Variants in ZBTB7C observed in about 807,000 individuals in gnomAD.
ZBTB7C encodes zinc finger and BTB domain containing 7C, also known as zinc finger and BTB domain-containing protein 7C.
In ZBTB7C, 8 loss-of-function variants were observed where a neutral mutation model predicts 25.7. The ratio of observed to expected loss-of-function variants is 0.31; its 90% confidence interval spans 0.18 to 0.56. The LOEUF (loss-of-function observed/expected upper bound fraction) is 0.56. Among genes scored for constraint, ZBTB7C ranks in the 20% least tolerant of loss-of-function variants. The probability of loss-of-function intolerance (pLI) is 0.91; values close to 1 mark genes in which losing one functional copy is unlikely to be tolerated. For missense variants in ZBTB7C, 824 were observed against 855.2 expected, an observed-to-expected ratio of 0.96 and a Z score of 0.46; for synonymous variants, 394 against 369.0, an observed-to-expected ratio of 1.07 and a Z score of -0.78.
upstream of ZBTB7C, chr18:48,409,395 G>T (rs910074090): frequency 6.8e-5 from 10 of 147,012 alleles, no homozygotes; most frequent in African/African-American, 2.5e-4. Context: ...GAGCTGAGCG[G>T]CGGCAGCGGG....
chr18:48,395,275 G>A (rs1022714644), intron 1 of ZBTB7C, among the ~76,000 whole-genome samples: 127 of 35,612 alleles, frequency 3.6e-3, no homozygotes, highest in African/African-American at 0.021. Context: ...ATGTGTGTGT[G>A]TGTGTGTGTG....
chr18:48,219,867 G>A (rs1197128598), intron 2 of ZBTB7C, among the ~76,000 whole-genome samples: 1 of 152,096 alleles, frequency 6.6e-6, no homozygotes, highest in East Asian at 1.9e-4. Context: ...AGGGATGGAG[G>A]CTGAGAGACA....
rs376966831 is a variant in ZBTB7C, at chr18:48,371,247, T to A, written c.-303-32849A>T. 6.6e-5 allele frequency among the ~76,000 whole-genome samples: 10 copies of A among 152,246 alleles called. No individual in the cohort carries two copies. The South Asian group carries it at 2.1e-3, about 32-fold the overall frequency. On this transcript the variant is annotated intron_variant, in intron 1 of 4. Transcript: ENST00000590800. ...AAGCTGCAGGCCACCTTCTAGAAAC[T>A]CCTCATAAGCCTCCTGGTGTTTCTG...
intron 1 of ZBTB7C, among the ~76,000 whole-genome samples, chr18:48,370,561 T>A (rs533804214): frequency 1.3e-5 from 2 of 152,272 alleles, no homozygotes; most frequent in Non-Finnish European, 2.9e-5. Flanking sequence ...ATATTGCCAT[T>A]GGGGGAAACT....
At chr18:48,150,073 G>C (rs1272750873) in intron 3 of ZBTB7C, 1 of 151,884 alleles carries the variant, frequency 6.6e-6, no homozygotes, top group African/African-American at 2.4e-5. Context: ...CAAAGTGCTG[G>C]GATTACAGGC....
intron 3 of ZBTB7C, among the ~76,000 whole-genome samples, chr18:48,180,972 C>G (rs2041903777): frequency 6.6e-6 from 1 of 151,984 alleles, no homozygotes; most frequent in Non-Finnish European, 1.5e-5. Context: ...GGCTGTGTGA[C>G]CTTGGACAAG....
chr18:48,338,909 G>GC lies in ZBTB7C; in HGVS notation c.-303-512_-303-511insG, dbSNP rs1291775310. Among the ~76,000 whole-genome samples, 88 of 124,156 alleles carry GC rather than the reference G, an allele frequency of 7.1e-4. 1 individual carries two copies. Among genetic ancestry groups the GC allele is most frequent in the African/African-American group, 2.5e-3 (83 of 33,276 alleles). The allele number at this position is 124,156 out of a possible 152,430, so 81.5% of individuals were successfully genotyped here. A position where few individuals can be genotyped will look rare whatever the true frequency, so the allele number is the denominator to read the frequency against. On this transcript the variant is annotated intron_variant, in intron 1 of 4. Transcript: ENST00000590800. ...CAAGGCTTCTGGTGTTCTGTAGTTT[G>GC]TTGGGGGGGGGGGGTCCAGGTAGGA...
In ZBTB7C at chr18:48,029,648, A is replaced by C; in HGVS notation, c.1472T>G (p.Leu491Arg). ...GGCCGGGCCGCCGGGCCCGAAGAGC[A>C]GGCTGGCGGCCCTCCACGCAGCAGG... ...RKPAAWRAASLLFGPGGPAPD... is the reference protein window; with the variant it reads ...RKPAAWRAASRLFGPGGPAPD... The change falls in exon 5 of 5, where the codon CTG becomes CGG. Residue 491 changes from leucine (L) to arginine (R), a missense_variant. Physicochemically the swap from Leu to Arg is moderately radical, Grantham distance 102. Around this residue, in one of 4 missense-constraint regions of ZBTB7C, gnomAD observed 342 missense variants for 307.0 expected, o/e 1.11. Coordinates refer to ENST00000590800, the MANE Select transcript of ZBTB7C (RefSeq NM_001318841.2). The C allele has an allele frequency of 6.5e-7, 1 of 1,540,802 alleles. No homozygotes were observed. The highest frequency in any genetic ancestry group is 8.7e-7 in the Non-Finnish European group (1 of 1,151,558).
chr18:48,133,936 A>G (rs2040066348), intron 3 of ZBTB7C, among the ~76,000 whole-genome samples: 1 of 152,104 alleles, frequency 6.6e-6, no homozygotes, highest in Non-Finnish European at 1.5e-5. Context: ...ATGCAATTAT[A>G]CACCTGTGTA....
intron 3 of ZBTB7C, among the ~76,000 whole-genome samples, chr18:48,080,218 C>T (rs184945141): frequency 1.4e-3 from 213 of 152,344 alleles, no homozygotes; most frequent in African/African-American, 4.7e-3. Flanking sequence ...CAGCCCACAC[C>T]GTCCTGATTC....
At chr18:48,277,647 G>A (rs1027280832) in intron 2 of ZBTB7C, among the ~76,000 whole-genome samples, 2 of 152,226 alleles carry the variant, frequency 1.3e-5, no homozygotes, top group East Asian at 3.8e-4. Context: ...ACCCCGGCTG[G>A]TGAGGACACA....
chr18:48,204,114 A>G (rs911293247), intron 2 of ZBTB7C, among the ~76,000 whole-genome samples: 3 of 152,064 alleles, frequency 2.0e-5, no homozygotes, highest in African/African-American at 4.8e-5. Context: ...TCCTTTTTGC[A>G]TTCCTTCCAC....
intron 3 of ZBTB7C, among the ~76,000 whole-genome samples, chr18:48,129,816 G>C (rs1014301206): frequency 6.6e-6 from 1 of 152,090 alleles, no homozygotes; most frequent in Non-Finnish European, 1.5e-5. Flanking sequence ...GATTATTTCA[G>C]TCCCTACAGC....
At chr18:48,359,886 G>C (rs2047063361) in intron 1 of ZBTB7C, among the ~76,000 whole-genome samples, 1 of 152,182 alleles carries the variant, frequency 6.6e-6, no homozygotes, top group African/African-American at 2.4e-5. Context: ...GGACTTGGGA[G>C]ATTTTTGACT....
Position 48,029,515 on chromosome 18 carries a change from C to T in ZBTB7C, c.1605G>A (p.Leu535=). ...LPGPSPAKHF[L]AAPKGALSLQ... ...GGCTCAGGGCGCCCTTGGGCGCTGC[C>T]AGGAAGTGCTTGGCGGGGCTGGGGC... is the stretch of plus-strand genomic sequence containing the variant. Residue 535 remains leucine, a synonymous_variant, in exon 5 of 5, where the codon CTG becomes CTA. Transcript: ENST00000590800. 1 of 1,584,216 alleles carries T rather than the reference C, an allele frequency of 6.3e-7. No homozygotes were observed. Among genetic ancestry groups the T allele is most frequent in the Non-Finnish European group, 8.5e-7 (1 of 1,172,526 alleles).
In ZBTB7C at chr18:48,377,921, CA is replaced by C. The variant is rs374755328; in HGVS notation, c.-304+31304del. Among the ~76,000 whole-genome samples, 12 of 152,188 alleles carry C rather than the reference CA, an allele frequency of 7.9e-5. No homozygotes were observed. The East Asian group carries it at 1.9e-3, about 25-fold the overall frequency. ...GCACGGTGGCTCACGCCTGTAATCC[CA>C]AAACTTTGGGAGGCCGAGGTGGGCA... On this transcript the variant is annotated intron_variant, in intron 1 of 4. Transcript: ENST00000590800.
intron 3 of ZBTB7C, among the ~76,000 whole-genome samples, chr18:48,176,616 C>CGTGTGTGTGTGTGTGTGTGTGT (rs10533963): frequency 4.0e-5 from 6 of 149,642 alleles, no homozygotes; most frequent in Non-Finnish European, 7.4e-5. Context: ...AGGAAATACA[C>CGTGTGTGTGTGTGTGTGTGTGT]GTGTGTGTGT....
chr18:48,342,992 G>A (rs1002610365), intron 1 of ZBTB7C, among the ~76,000 whole-genome samples: 1 of 152,100 alleles, frequency 6.6e-6, no homozygotes, highest in Non-Finnish European at 1.5e-5. Context: ...CCTGCTGGCT[G>A]GCCTGGCAGT....
At chr18:48,261,053 TAATA>T (rs567179480) in intron 2 of ZBTB7C, among the ~76,000 whole-genome samples, 135 of 152,366 alleles carry the variant, frequency 8.9e-4, no homozygotes, top group African/African-American at 3.1e-3. Flanking sequence ...GCCACTTAAC[TAATA>T]AATAGTATTC....
Sources: gnomAD v4.1 joint callset for allele counts (sites outside exome capture counted in the v4.1 genomes callset) on GRCh38, gnomAD v4.1.1 for gene constraint, gnomAD v4.1.1 regional missense constraint, MANE v1.5 for transcripts, NCBI Gene and HGNC (gene_info 2026-07-23, HGNC 2026-07-21) for gene names.